Variants in HS3ST4 observed in about 807,000 individuals in gnomAD.
HS3ST4 encodes the protein heparan sulfate-glucosamine 3-sulfotransferase 4.
In HS3ST4, 17 loss-of-function variants were observed where a neutral mutation model predicts 29.2. That is an observed-to-expected ratio of 0.58 (90% confidence interval 0.40 to 0.87). The LOEUF (loss-of-function observed/expected upper bound fraction) is 0.87, where lower values mean the gene tolerates loss of function less well. HS3ST4 is among the 40% of genes least tolerant of loss of function. The probability of loss-of-function intolerance (pLI) is 0.00; values close to 1 mark genes in which losing one functional copy is unlikely to be tolerated. For synonymous variants in HS3ST4, 314 were observed against 285.7 expected, an observed-to-expected ratio of 1.10 and a Z score of -1.00; for missense variants, 627 against 634.5, an observed-to-expected ratio of 0.99 and a Z score of 0.13.
chr16:26,004,451 G>A (rs541627436), intron 1 of HS3ST4, among the ~76,000 whole-genome samples: 2 of 152,128 alleles, frequency 1.3e-5, no homozygotes, highest in African/African-American at 4.8e-5. Flanking sequence ...CCATCAAAGT[G>A]CAATCCTATC....
At chr16:26,083,446 A>G (rs184399290) in intron 1 of HS3ST4, among the ~76,000 whole-genome samples, 3 of 152,292 alleles carry the variant, frequency 2.0e-5, no homozygotes, top group African/African-American at 7.2e-5. Context: ...TGAAGCACTG[A>G]CTATTCAGTG....
intron 1 of HS3ST4, among the ~76,000 whole-genome samples, chr16:26,093,907 A>G (rs1898889722): frequency 6.6e-6 from 1 of 152,246 alleles, no homozygotes; most frequent in Admixed American, 6.5e-5. Flanking sequence ...AACAGTGTAG[A>G]GAAGATCTTA....
chr16:25,705,693 AAAAG>A (rs897868422), intron 1 of HS3ST4, among the ~76,000 whole-genome samples: 21 of 152,146 alleles, frequency 1.4e-4, no homozygotes, highest in Non-Finnish European at 2.9e-4. Context: ...ATAATTGAAT[AAAAG>A]AAAGAAAAGG....
Position 26,037,260 on chromosome 16 carries a change from C to T in HS3ST4, c.735-98352C>T, listed in dbSNP as rs183590784. 1.9e-4 allele frequency among the ~76,000 whole-genome samples: 29 copies of T among 152,364 alleles called. 1 individual carries two copies. The East Asian group carries it at 4.1e-3, about 21-fold the overall frequency. ...ATAAGGAGGCCACAGGCCAAGGGCACATACCTTCCAGGACCTGAACCCTCC... is the reference window on the plus strand; with the variant it reads ...ATAAGGAGGCCACAGGCCAAGGGCATATACCTTCCAGGACCTGAACCCTCC... On this transcript the variant is annotated intron_variant, in intron 1 of 1. Transcript: ENST00000331351.
chr16:26,133,269 T>G (rs1294552765), intron 1 of HS3ST4, among the ~76,000 whole-genome samples: 1 of 152,212 alleles, frequency 6.6e-6, no homozygotes, highest in Non-Finnish European at 1.5e-5. Context: ...ACATTTAATC[T>G]TCATTAAAAT....
chr16:25,979,936 G>A (rs532463282), intron 1 of HS3ST4, among the ~76,000 whole-genome samples: 20 of 152,230 alleles, frequency 1.3e-4, no homozygotes, highest in Middle Eastern at 3.4e-3. Context: ...TTCACCCTTT[G>A]TCCATGCCTC....
chr16:26,112,469 A>G (rs1899145688), intron 1 of HS3ST4, among the ~76,000 whole-genome samples: 1 of 143,916 alleles, frequency 6.9e-6, no homozygotes. Flanking sequence ...CACAAGCTCC[A>G]CCCAGAAGGA....
intron 1 of HS3ST4, among the ~76,000 whole-genome samples, chr16:25,861,648 A>G (rs9921506): frequency 0.011 from 1,649 of 152,266 alleles, 23 homozygotes; most frequent in African/African-American, 0.037. Flanking sequence ...AGCATCCCCA[A>G]TCTCCCCTTT....
chr16:26,050,876 G>A (rs1291816645), intron 1 of HS3ST4, among the ~76,000 whole-genome samples: 1 of 152,186 alleles, frequency 6.6e-6, no homozygotes, highest in Non-Finnish European at 1.5e-5. Flanking sequence ...GCCCCCAGAA[G>A]CATATGAAAG....
intron 1 of HS3ST4, among the ~76,000 whole-genome samples, chr16:25,734,274 A>G (rs78178976): frequency 2.6e-5 from 4 of 152,196 alleles, no homozygotes; most frequent in African/African-American, 7.2e-5. Context: ...AAATTTCCCA[A>G]CTCTTTACAT....
intron 1 of HS3ST4, among the ~76,000 whole-genome samples, chr16:25,707,248 G>A (rs548990181): frequency 6.6e-6 from 1 of 152,172 alleles, no homozygotes; most frequent in African/African-American, 2.4e-5. Context: ...TAAGTGAAAA[G>A]GCAAAACTTT....
At chr16:26,070,476 T>C (rs185153664) in intron 1 of HS3ST4, among the ~76,000 whole-genome samples, 1 of 152,298 alleles carries the variant, frequency 6.6e-6, no homozygotes, top group Non-Finnish European at 1.5e-5. Context: ...CTTGGCACAG[T>C]TCAGCAAAAC....
At chr16:25,891,513 G>A (rs375968979) in intron 1 of HS3ST4, among the ~76,000 whole-genome samples, 5 of 152,228 alleles carry the variant, frequency 3.3e-5, no homozygotes, top group East Asian at 3.9e-4. Flanking sequence ...CAGCTGCCAG[G>A]TAGAACACTT....
intron 1 of HS3ST4, among the ~76,000 whole-genome samples, chr16:25,940,196 A>T (rs1014012828): frequency 8.0e-6 from 1 of 124,760 alleles, no homozygotes. Context: ...AAATCTCCAG[A>T]TTTGATTTTT....
intron 1 of HS3ST4, among the ~76,000 whole-genome samples, chr16:25,944,518 G>A (rs1383567814): frequency 2.0e-5 from 3 of 152,188 alleles, no homozygotes; most frequent in African/African-American, 7.2e-5. Context: ...TAATGATATT[G>A]TAATGAGCTG....
intron 1 of HS3ST4, among the ~76,000 whole-genome samples, chr16:25,783,833 A>C (rs1966854837): frequency 6.6e-6 from 1 of 152,168 alleles, no homozygotes; most frequent in Non-Finnish European, 1.5e-5. Flanking sequence ...AAATTTCTTA[A>C]ACGCTTTAAG....
At chr16:26,060,997 G>T (rs975645999) in intron 1 of HS3ST4, among the ~76,000 whole-genome samples, 1 of 152,148 alleles carries the variant, frequency 6.6e-6, no homozygotes, top group Non-Finnish European at 1.5e-5. Context: ...ATGCTGTCTT[G>T]ATCTTTGAAG....
intron 1 of HS3ST4, among the ~76,000 whole-genome samples, chr16:25,978,896 C>CTACAACTT (rs1207749022): frequency 6.6e-6 from 1 of 151,408 alleles, no homozygotes; most frequent in Non-Finnish European, 1.5e-5. Flanking sequence ...GACGTGGGAG[C>CTACAACTT]TACAACTTGA....
At chr16:26,026,632 C>G (rs1469153948) in intron 1 of HS3ST4, among the ~76,000 whole-genome samples, 5 of 152,084 alleles carry the variant, frequency 3.3e-5, no homozygotes, top group African/African-American at 9.7e-5. Context: ...TTTGGTACCC[C>G]TGTGTCTGAG....
Sources: gnomAD v4.1 joint callset for allele counts (sites outside exome capture counted in the v4.1 genomes callset) on GRCh38, gnomAD v4.1.1 for gene constraint, MANE v1.5 for transcripts, NCBI Gene and HGNC (gene_info 2026-07-23, HGNC 2026-07-21) for gene names.